COMMD1: variants seen among roughly 807,000 people sequenced by gnomAD.
COMMD1 encodes the protein COMM domain-containing protein 1.
COMMD1 carries 10 observed loss-of-function variants against 17.2 expected under a neutral mutation model. That is an observed-to-expected ratio of 0.58 (90% CI 0.36 to 0.99). The LOEUF is 0.99. Among genes scored for constraint, COMMD1 ranks in the 50% least tolerant of loss-of-function variants. The pLI, the probability that COMMD1 is intolerant of heterozygous loss-of-function variation, is 0.01. For synonymous variants in COMMD1, 97 were observed against 91.6 expected (o/e 1.06, Z -0.34); for missense variants, 270 against 231.8 (o/e 1.17, Z -1.07).
At chr2:61,894,357 C>T (rs1374502650) in intron 1 of COMMD1, among the ~76,000 whole-genome samples, 1 of 151,850 alleles carries the variant, frequency 6.6e-6, no homozygotes, top group Non-Finnish European at 1.5e-5. Context: ...CCGCCTTGGC[C>T]TCCCAAAGTG....
At chr2:62,009,467 T>C (rs1343258324) in intron 2 of COMMD1, among the ~76,000 whole-genome samples, 1 of 151,912 alleles carries the variant, frequency 6.6e-6, no homozygotes, top group Non-Finnish European at 1.5e-5. Context: ...TTGCCAGGCA[T>C]AGTGGCACAT....
intron 2 of COMMD1, among the ~76,000 whole-genome samples, chr2:62,050,241 A>G (rs917056797): frequency 6.6e-6 from 1 of 152,180 alleles, no homozygotes; most frequent in Non-Finnish European, 1.5e-5. Context: ...CACTTTAACC[A>G]AAAAGAAGAC....
chr2:62,064,719 C>T (rs961455457), intron 2 of COMMD1, among the ~76,000 whole-genome samples: 5 of 152,100 alleles, frequency 3.3e-5, no homozygotes, highest in Non-Finnish European at 7.4e-5. Flanking sequence ...GTTCTTGGCC[C>T]TCTTGCTTTT....
At chr2:62,059,366 G>A (rs1670793640) in intron 2 of COMMD1, among the ~76,000 whole-genome samples, 1 of 151,888 alleles carries the variant, frequency 6.6e-6, no homozygotes, top group Non-Finnish European at 1.5e-5. Context: ...ATGTTGCCCA[G>A]GCTGGTCTCC....
intron 2 of COMMD1, among the ~76,000 whole-genome samples, chr2:62,003,705 C>T (rs568909588): frequency 9.2e-5 from 14 of 151,624 alleles, no homozygotes; most frequent in African/African-American, 2.9e-4. Flanking sequence ...CTATTTATAT[C>T]GGCTATTTAG....
At chr2:62,067,819 C>T (rs1023292671) in intron 2 of COMMD1, among the ~76,000 whole-genome samples, 1 of 151,116 alleles carries the variant, frequency 6.6e-6, no homozygotes, top group Non-Finnish European at 1.5e-5. Flanking sequence ...AGATCAGAGA[C>T]CTTTCTGCTT....
intron 2 of COMMD1, among the ~76,000 whole-genome samples, chr2:62,042,084 G>C (rs935465576): frequency 1.3e-5 from 2 of 152,172 alleles, no homozygotes; most frequent in Non-Finnish European, 2.9e-5. Flanking sequence ...ACAGAGCACC[G>C]ATTGGTCCAT....
chr2:61,997,701 T>C, intron 1 of COMMD1, among the ~76,000 whole-genome samples: 1 of 152,180 alleles, frequency 6.6e-6, no homozygotes, highest in Non-Finnish European at 1.5e-5. Context: ...TTTAACATCA[T>C]TCTTAAGGGC....
intron 1 of COMMD1, among the ~76,000 whole-genome samples, chr2:61,913,297 G>A (rs1669957386): frequency 6.6e-6 from 1 of 150,412 alleles, no homozygotes; most frequent in Non-Finnish European, 1.5e-5. Context: ...AACCTGGGAG[G>A]CGGAGGTTGT....
intron 2 of COMMD1, among the ~76,000 whole-genome samples, chr2:62,031,417 C>CT (rs1669905165): frequency 6.6e-6 from 1 of 152,176 alleles, no homozygotes; most frequent in Non-Finnish European, 1.5e-5. Flanking sequence ...AGCATAGATA[C>CT]TTTTTCTATC....
At chr2:61,951,767 G>A (rs937126783) in intron 1 of COMMD1, among the ~76,000 whole-genome samples, 17 of 152,222 alleles carry the variant, frequency 1.1e-4, no homozygotes, top group African/African-American at 4.1e-4. Flanking sequence ...AATTTCTCCA[G>A]TGTCCCTTTA....
intron 1 of COMMD1, among the ~76,000 whole-genome samples, chr2:61,985,198 C>T (rs1194007569): frequency 6.6e-6 from 1 of 152,004 alleles, no homozygotes; most frequent in East Asian, 1.9e-4. Context: ...CTACAGGCGC[C>T]CACCACCACG....
chr2:62,117,665 A>C lies in COMMD1; in HGVS notation c.463-18166A>C, dbSNP rs546902572. ...CTTCACATAATGCTTGGCATTTTGT[A>C]TGTGTGGAATAAATGTTAGCCATTG... On this transcript the variant is annotated intron_variant, in intron 2 of 2. Transcript: ENST00000311832. Among the ~76,000 whole-genome samples the C allele has an allele frequency of 3.3e-5, 5 of 152,190 alleles. No individual in the cohort carries two copies. The East Asian group carries it at 9.6e-4, about 29-fold the overall frequency.
At chr2:62,031,127 C>T (rs571231157) in intron 2 of COMMD1, among the ~76,000 whole-genome samples, 1 of 152,254 alleles carries the variant, frequency 6.6e-6, no homozygotes, top group East Asian at 1.9e-4. Context: ...CTGATCATTG[C>T]CTCACTACTC....
intron 2 of COMMD1, among the ~76,000 whole-genome samples, chr2:62,083,508 A>G (rs1671582071): frequency 6.6e-6 from 1 of 152,234 alleles, no homozygotes; most frequent in South Asian, 2.1e-4. Context: ...GCTCATTTAC[A>G]GTAGTCTTTT....
In COMMD1 at chr2:61,977,547, C is replaced by T. The variant is rs573743717; in HGVS notation, c.181-23154C>T. On this transcript the variant is annotated intron_variant, in intron 1 of 2. Transcript: ENST00000311832. ...GCATGAGCTGCCGCGCCTGGCCAGT[C>T]TGCTAATTTTTAAAAATGCATTTGG... Among the ~76,000 whole-genome samples, 56 of 152,030 alleles carry T rather than the reference C, an allele frequency of 3.7e-4. No homozygotes were observed. In the South Asian group the frequency reaches 9.6e-3, roughly 26 times the overall value.
chr2:61,890,527 C>T (rs1215958985), intron 1 of COMMD1, among the ~76,000 whole-genome samples: 1 of 152,042 alleles, frequency 6.6e-6, no homozygotes, highest in East Asian at 1.9e-4. Context: ...CCAAGTTGTT[C>T]TTTAACACAC....
intron 2 of COMMD1, among the ~76,000 whole-genome samples, chr2:62,045,518 C>T (rs904965488): frequency 2.2e-4 from 33 of 150,386 alleles, no homozygotes; most frequent in Admixed American, 1.6e-3. Context: ...GGTGGGGATT[C>T]GTTTTAGAGA....
chr2:62,105,710 C>T (rs1376296622), intron 2 of COMMD1, among the ~76,000 whole-genome samples: 1 of 152,174 alleles, frequency 6.6e-6, no homozygotes, highest in Non-Finnish European at 1.5e-5. Flanking sequence ...GTAATCCCAG[C>T]TACTTGGGAA....
Sources: gnomAD v4.1 joint callset for allele counts (sites outside exome capture counted in the v4.1 genomes callset) on GRCh38, gnomAD v4.1.1 for gene constraint, MANE v1.5 for transcripts, NCBI Gene and HGNC (gene_info 2026-07-23, HGNC 2026-07-21) for gene names.